EYA4: variants seen among roughly 807,000 people sequenced by gnomAD.
The protein encoded by EYA4 is protein phosphatase EYA4.
A neutral mutation model predicts 87.9 loss-of-function variants in EYA4; 31 were observed. That is an observed-to-expected ratio of 0.35 (90% CI 0.27 to 0.48). The LOEUF (loss-of-function observed/expected upper bound fraction) is 0.48, where lower values mean the gene tolerates loss of function less well. Among genes scored for constraint, EYA4 ranks in the 20% least tolerant of loss-of-function variants. EYA4 has a pLI of 0.99. For synonymous variants in EYA4, 263 were observed against 270.6 expected, an observed-to-expected ratio of 0.97 and a Z score of 0.28; for missense variants, 678 against 761.4, an observed-to-expected ratio of 0.89 and a Z score of 1.29.
intron 2 of EYA4, among the ~76,000 whole-genome samples, chr6:133,358,704 G>A (rs1784248977): frequency 6.6e-6 from 1 of 152,090 alleles, no homozygotes. Flanking sequence ...TCTGCTCCAG[G>A]CACTGTGCTA....
At chr6:133,327,220 C>A (rs1014546548) in intron 2 of EYA4, among the ~76,000 whole-genome samples, 1 of 151,966 alleles carries the variant, frequency 6.6e-6, no homozygotes, top group Non-Finnish European at 1.5e-5. Flanking sequence ...TCACTGCGAC[C>A]TCTCCCTCCC....
chr6:133,505,514 C>T lies in EYA4; in HGVS notation c.1192-592C>T, dbSNP rs1195328159. On this transcript the variant is annotated intron_variant, in intron 13 of 19. Coordinates refer to ENST00000355286, the MANE Select transcript of EYA4 (RefSeq NM_004100.5). ...TTAGTCAAATGCAGGTTAGACCAAA[C>T]TCTACACATGTTTGGATAGGGAGAT... 4.6e-5 allele frequency among the ~76,000 whole-genome samples: 7 copies of T among 152,200 alleles called. No individual in the cohort carries two copies. In the East Asian group the frequency reaches 1.4e-3, roughly 29 times the overall value.
chr6:133,523,181 A>T lies in EYA4; in HGVS notation c.1738+4A>T, dbSNP rs1418049095. 6.2e-7 allele frequency: 1 copy of T among 1,611,768 alleles called. No individual in the cohort carries two copies. The highest frequency in any genetic ancestry group is 1.1e-5 in the South Asian group (1 of 91,050). On this transcript the variant is annotated splice_donor_region_variant and intron_variant, in intron 18 of 19. Coordinates refer to ENST00000355286, the MANE Select transcript of EYA4 (RefSeq NM_004100.5). ...ATTTACAGTGCAACTAAAATAGGTA[A>T]GGAAATTATTTTAAACTCTGTATGG... is the stretch of plus-strand genomic sequence containing the variant.
chr6:133,279,806 T>G (rs550701963), intron 2 of EYA4, among the ~76,000 whole-genome samples: 10 of 152,302 alleles, frequency 6.6e-5, no homozygotes, highest in African/African-American at 2.4e-4. Context: ...GTATCAGATT[T>G]TTAACTATTG....
At chr6:133,518,191 CTATA>C (rs1415096337) in intron 17 of EYA4, among the ~76,000 whole-genome samples, 1 of 151,628 alleles carries the variant, frequency 6.6e-6, no homozygotes, top group African/African-American at 2.4e-5. Flanking sequence ...AAGATGTCTT[CTATA>C]TAAGTTAAAA....
At chr6:133,358,274 T>C (rs1784216124) in intron 2 of EYA4, among the ~76,000 whole-genome samples, 1 of 152,214 alleles carries the variant, frequency 6.6e-6, no homozygotes, top group African/African-American at 2.4e-5. Flanking sequence ...TCAGAGGACT[T>C]GAGTTTGAAT....
chr6:133,437,023 C>A (rs1212549605), intron 3 of EYA4, among the ~76,000 whole-genome samples: 1 of 152,018 alleles, frequency 6.6e-6, no homozygotes, highest in African/African-American at 2.4e-5. Flanking sequence ...AAAAAAAAAT[C>A]CCCAGAAACT....
At chr6:133,285,089 C>T (rs148121845) in intron 2 of EYA4, among the ~76,000 whole-genome samples, 5 of 150,636 alleles carry the variant, frequency 3.3e-5, no homozygotes, top group East Asian at 2.0e-4. Context: ...CTCCACCTCC[C>T]GGGTTCACGC....
chr6:133,392,351 A>T (rs1314172381), intron 3 of EYA4, among the ~76,000 whole-genome samples: 1 of 152,172 alleles, frequency 6.6e-6, no homozygotes, highest in Non-Finnish European at 1.5e-5. Context: ...ATGTTCAAAC[A>T]TACCTGCAGA....
At chr6:133,292,811 C>T (rs985572791) in intron 2 of EYA4, among the ~76,000 whole-genome samples, 5 of 152,102 alleles carry the variant, frequency 3.3e-5, no homozygotes, top group African/African-American at 1.2e-4. Context: ...TGTCCTTTTC[C>T]TGAATGTCAA....
intron 2 of EYA4, among the ~76,000 whole-genome samples, chr6:133,356,825 C>T (rs570241063): frequency 2.4e-4 from 36 of 148,200 alleles, no homozygotes; most frequent in African/African-American, 7.4e-4. Flanking sequence ...TTTTTTGAGA[C>T]GGATTCTCAC....
intron 11 of EYA4, among the ~76,000 whole-genome samples, chr6:133,478,649 T>C (rs187463048): frequency 1.6e-4 from 25 of 152,222 alleles, no homozygotes; most frequent in Non-Finnish European, 3.2e-4. Flanking sequence ...CTAAAAAGGC[T>C]GTCTTTATCC....
chr6:133,280,035 G>C (rs71574649), intron 2 of EYA4, among the ~76,000 whole-genome samples: 16,153 of 152,154 alleles, frequency 0.11, 958 homozygotes, highest in African/African-American at 0.13. Context: ...CGACCAGAAG[G>C]CATACTTGTA....
rs114449396 is a variant in EYA4, at chr6:133,408,715, A to C, written c.83+26274A>C. Among the ~76,000 whole-genome samples, 187 of 152,284 alleles carry C rather than the reference A, an allele frequency of 1.2e-3. 1 individual carries two copies. Among genetic ancestry groups the C allele is most frequent in the African/African-American group, 4.1e-3 (171 of 41,568 alleles). ...GAGGTTTAAATGGTTTACACTGTCAAAGCTTTTAGGACAGTGCCTGGCGCG... is the reference window on the plus strand; with the variant it reads ...GAGGTTTAAATGGTTTACACTGTCACAGCTTTTAGGACAGTGCCTGGCGCG... On this transcript the variant is annotated intron_variant, in intron 3 of 19. Transcript: ENST00000355286.
At chr6:133,422,733 T>G (rs1368697011) in intron 3 of EYA4, among the ~76,000 whole-genome samples, 1 of 152,222 alleles carries the variant, frequency 6.6e-6, no homozygotes, top group African/African-American at 2.4e-5. Context: ...TTCAAAGATT[T>G]CAATAAAAAT....
intron 2 of EYA4, among the ~76,000 whole-genome samples, chr6:133,355,520 G>A (rs1288676268): frequency 6.6e-6 from 1 of 152,112 alleles, no homozygotes; most frequent in African/African-American, 2.4e-5. Flanking sequence ...ACAAGATAAT[G>A]TCCTTTACAG....
rs114303533 is a variant in EYA4, at chr6:133,347,083, A to G, written c.34-35309A>G. On this transcript the variant is annotated intron_variant, in intron 2 of 19. Coordinates refer to ENST00000355286, the MANE Select transcript of EYA4 (RefSeq NM_004100.5). Reference sequence around the variant, plus strand: ...AGAACATGGCAATTCTGTCATGGGGAGGGCTTTGGAGAAGACCAGATGCCT... The same window carrying G: ...AGAACATGGCAATTCTGTCATGGGGGGGGCTTTGGAGAAGACCAGATGCCT... 7.8e-3 allele frequency among the ~76,000 whole-genome samples: 1,189 copies of G among 152,266 alleles called. 20 individuals are homozygous for G. The highest frequency in any genetic ancestry group is 0.027 in the African/African-American group (1,133 of 41,546).
At chr6:133,332,853 C>T (rs762965164) in intron 2 of EYA4, among the ~76,000 whole-genome samples, 3 of 151,924 alleles carry the variant, frequency 2.0e-5, no homozygotes, top group Non-Finnish European at 2.9e-5. Context: ...TGAACCACCG[C>T]GCCCAGCCTG....
At chr6:133,382,331 G>A in intron 2 of EYA4, 61 bp from the exon 3 acceptor site, 1 of 1,185,440 alleles carries the variant, frequency 8.4e-7, no homozygotes, top group Non-Finnish European at 1.3e-6. Context: ...TTAATAGTGT[G>A]TGAACCTGAG....
Sources: allele counts gnomAD v4.1 joint callset (sites outside exome capture counted in the v4.1 genomes callset), GRCh38; gene constraint gnomAD v4.1.1; transcripts MANE v1.5; gene names NCBI Gene and HGNC (gene_info 2026-07-23, HGNC 2026-07-21).